Variants in COA8 observed in about 807,000 individuals in gnomAD.
COA8 encodes the protein UPF0671 protein C14orf153.
A neutral mutation model predicts 22.0 loss-of-function variants in COA8; 20 were observed. The ratio of observed to expected loss-of-function variants is 0.91; its 90% CI spans 0.64 to 1.32. The LOEUF (loss-of-function observed/expected upper bound fraction) is 1.32, where lower values mean the gene tolerates loss of function less well. Among genes scored for constraint, COA8 ranks in the 40% most tolerant of loss-of-function variants. The probability of loss-of-function intolerance (pLI) is 0.00; values close to 1 mark genes in which losing one functional copy is unlikely to be tolerated. For missense variants in COA8, 266 were observed against 230.0 expected (o/e 1.16, Z -1.01); for synonymous variants, 105 against 79.9 (o/e 1.31, Z -1.68).
At chr14:103,586,333 G>A (rs1380590447) in intron 3 of COA8, among the ~76,000 whole-genome samples, 1 of 150,238 alleles carries the variant, frequency 6.7e-6, no homozygotes, top group African/African-American at 2.5e-5. Flanking sequence ...CCGGCCTCTT[G>A]AGTAGCTAAG....
At chr14:103,580,803 T>C (rs1346386892) in intron 3 of COA8, among the ~76,000 whole-genome samples, 1 of 150,576 alleles carries the variant, frequency 6.6e-6, no homozygotes, top group East Asian at 1.9e-4. Flanking sequence ...TGTTGTTTTT[T>C]TTTTTTTTTT....
At chr14:103,587,387 A>C (rs1460429695) in intron 4 of COA8, 23 bp downstream of exon 4, 1 of 1,547,064 alleles carries the variant, frequency 6.5e-7, no homozygotes, top group South Asian at 1.2e-5. Flanking sequence ...TCTTTTCCTG[A>C]AAATTTGAAT....
chr14:103,586,880 T>C (rs1566986448), intron 3 of COA8, among the ~76,000 whole-genome samples: 1 of 152,152 alleles, frequency 6.6e-6, no homozygotes, highest in South Asian at 2.1e-4. Context: ...ATATTTGTAT[T>C]TTTAGTAGAG....
At position 103,563,084 on chromosome 14, in the gene COA8, C is replaced by T. The variant is rs2076099384; in HGVS notation, c.83C>T (p.Pro28Leu). Residue 28 changes from proline to leucine, a missense_variant, in exon 1 of 5, where the codon CCG becomes CTG. Coordinates refer to ENST00000409074, the MANE Select transcript of COA8 (RefSeq NM_001370595.2). ...AFACRGCQLA[P>L]ERGAERRDTA... ...GCCTGCCGCGGCTGTCAACTCGCTCCGGAGCGCGGCGCCGAGCGCAGGGAT... is the reference window on the plus strand; with the variant it reads ...GCCTGCCGCGGCTGTCAACTCGCTCTGGAGCGCGGCGCCGAGCGCAGGGAT... The T allele has an allele frequency of 6.5e-7, 1 of 1,540,098 alleles. No individual in the cohort carries two copies.
At chr14:103,578,449 T>C (rs1173752803) in intron 3 of COA8, among the ~76,000 whole-genome samples, 1 of 152,188 alleles carries the variant, frequency 6.6e-6, no homozygotes, top group Non-Finnish European at 1.5e-5. Context: ...TTAAATCTCA[T>C]TTGTAAGGCA....
intron 3 of COA8, 200 bp downstream of exon 3, chr14:103,574,370 C>A: frequency 1.3e-6 from 1 of 744,202 alleles, no homozygotes; most frequent in Non-Finnish European, 2.4e-6. Context: ...TCAGCTCCCT[C>A]CTTTCTCTCC....
chr14:103,573,902 T>A (rs1395834165), intron 2 of COA8, among the ~76,000 whole-genome samples: 2 of 152,118 alleles, frequency 1.3e-5, no homozygotes, highest in African/African-American at 4.8e-5. Flanking sequence ...TTATTGAACA[T>A]CTTCTCAAAT....
In COA8 at chr14:103,590,266, CAAA is replaced by C. The variant is rs748145889; in HGVS notation, c.564_566del (p.Lys190del). On this transcript the variant is annotated inframe_deletion, in exon 5 of 5. Coordinates refer to ENST00000409074, the MANE Select transcript of COA8 (RefSeq NM_001370595.2). ...GATTTGGAACAAGCTTAAACAGAAA[CAAA>C]AGAAGAGGAGCAACTAGGAGTCCAC... 2.5e-6 allele frequency: 4 copies of C among 1,613,976 alleles called. No homozygotes were observed. Among genetic ancestry groups the C allele is most frequent in the East Asian group, 2.2e-5 (1 of 44,858 alleles).
In COA8 at chr14:103,581,395, G is replaced by A. The variant is rs1271811406; in HGVS notation, c.386-5879G>A. ...ATCTGATCACCGAGACGGCTGCTGAGTAACTAACGAGTGGGGCGCGTCTAC... is the reference window on the plus strand; with the variant it reads ...ATCTGATCACCGAGACGGCTGCTGAATAACTAACGAGTGGGGCGCGTCTAC... On this transcript the variant is annotated intron_variant, in intron 3 of 4. Coordinates refer to ENST00000409074, the MANE Select transcript of COA8 (RefSeq NM_001370595.2). This position sits in a 1 kb window ranked among gnomAD's most constrained non-coding sequence, Gnocchi z 4.1. Among the ~76,000 whole-genome samples, 8 of 152,024 alleles carry A rather than the reference G, an allele frequency of 5.3e-5. No individual in the cohort carries two copies. The highest frequency in any genetic ancestry group is 1.0e-4 in the Non-Finnish European group (7 of 68,020).
chr14:103,574,295 A>C lies in COA8; in HGVS notation c.385+125A>C, dbSNP rs73361345. 2,399 of 1,297,390 alleles carry C rather than the reference A, an allele frequency of 1.8e-3. 42 individuals are homozygous for C. Among genetic ancestry groups the C allele is most frequent in the East Asian group, 3.2e-4 (14 of 43,310 alleles). 80.4% of individuals were successfully genotyped at this position (1,297,390 alleles called of 1,614,324 possible). A position where few individuals can be genotyped will look rare whatever the true frequency, so the allele number is the denominator to read the frequency against. On this transcript the variant is annotated intron_variant, in intron 3 of 4. Coordinates refer to ENST00000409074, the MANE Select transcript of COA8 (RefSeq NM_001370595.2). ...GGCGGTCCTTGGCCTGCTTTGGGGCAGTGCTCGGCACACCCCTGTCCAAGT... is the reference window on the plus strand; with the variant it reads ...GGCGGTCCTTGGCCTGCTTTGGGGCCGTGCTCGGCACACCCCTGTCCAAGT...
chr14:103,585,217 G>A (rs981503203), intron 3 of COA8, among the ~76,000 whole-genome samples: 1 of 150,436 alleles, frequency 6.6e-6, no homozygotes, highest in Non-Finnish European at 1.5e-5. Context: ...GGTGGCTCAC[G>A]CCTGTAATAC....
At chr14:103,571,128 A>G (rs1292230562) in intron 1 of COA8, among the ~76,000 whole-genome samples, 1 of 152,156 alleles carries the variant, frequency 6.6e-6, no homozygotes, top group Non-Finnish European at 1.5e-5. Flanking sequence ...ACCTCCTCCT[A>G]GCCTGGTAGG....
At chr14:103,582,403 G>A (rs555084521) in intron 3 of COA8, among the ~76,000 whole-genome samples, 12 of 152,334 alleles carry the variant, frequency 7.9e-5, no homozygotes, top group East Asian at 1.9e-4. Context: ...GAGCCTGAGC[G>A]TGGCCACCGC....
chr14:103,590,340 T>C lies in COA8; in HGVS notation c.*54T>C. On this transcript the variant is annotated 3_prime_UTR_variant, in exon 5 of 5. Transcript: ENST00000409074. The stretch of plus-strand genomic sequence containing the variant: ...GGTTTCCACAGGAAGCAGATGGAGC[T>C]CCTTTCACAGGGGCTCTGAGAAAAA... 6.7e-7 allele frequency: 1 copy of C among 1,482,378 alleles called. No individual in the cohort carries two copies. The highest frequency in any genetic ancestry group is 9.3e-7 in the Non-Finnish European group (1 of 1,071,674). 91.8% of individuals were successfully genotyped at this position (1,482,378 alleles called of 1,614,324 possible). A position where few individuals can be genotyped will look rare whatever the true frequency, so the allele number is the denominator to read the frequency against.
chr14:103,568,611 A>ATGTG (rs200970154), intron 1 of COA8, among the ~76,000 whole-genome samples: 1 of 90,638 alleles, frequency 1.1e-5, no homozygotes, highest in African/African-American at 4.0e-5. Context: ...GTATATATAT[A>ATGTG]TGTGTGTGTG....
chr14:103,575,699 A>C (rs1446278822), intron 3 of COA8, among the ~76,000 whole-genome samples: 3 of 152,042 alleles, frequency 2.0e-5, no homozygotes, highest in Non-Finnish European at 4.4e-5. Flanking sequence ...ATTATTATTA[A>C]TTTCTTTTTT....
intron 4 of COA8, among the ~76,000 whole-genome samples, 191 bp downstream of exon 4, chr14:103,587,555 T>C (rs2076318346): frequency 6.7e-6 from 1 of 150,012 alleles, no homozygotes; most frequent in Admixed American, 6.7e-5. Context: ...TCGCCCAGGC[T>C]GGAGTGCAGT....
chr14:103,568,600 C>T (rs577474550), intron 1 of COA8, among the ~76,000 whole-genome samples: 7 of 124,102 alleles, frequency 5.6e-5, no homozygotes, highest in South Asian at 5.3e-4. Flanking sequence ...TATATGTATA[C>T]GTATATATAT....
chr14:103,580,799 T>TG (rs1367862910), intron 3 of COA8, among the ~76,000 whole-genome samples: 1 of 139,568 alleles, frequency 7.2e-6, no homozygotes, highest in Non-Finnish European at 1.6e-5. Context: ...GGCCTGTTGT[T>TG]TTTTTTTTTT....
Sources: gnomAD v4.1 joint callset for allele counts (sites outside exome capture counted in the v4.1 genomes callset) on GRCh38, gnomAD v4.1.1 for gene constraint, Gnocchi (gnomAD v3.1) non-coding constraint, MANE v1.5 for transcripts, NCBI Gene and HGNC (gene_info 2026-07-23, HGNC 2026-07-21) for gene names.